Variants in RPIA observed in about 807,000 individuals in gnomAD.
The protein encoded by RPIA is ribose-5-phosphate isomerase.
Under a neutral mutation model 37.8 loss-of-function variants are expected in RPIA, and 29 were observed. The observed-to-expected ratio is 0.77, with a 90% CI of 0.57 to 1.05. The LOEUF (loss-of-function observed/expected upper bound fraction) is 1.05, where lower values mean the gene tolerates loss of function less well. Ranked by LOEUF, RPIA falls within the 50% of genes least tolerant of loss-of-function variation. The probability of loss-of-function intolerance (pLI) is 0.00; values close to 1 mark genes in which losing one functional copy is unlikely to be tolerated. For synonymous variants in RPIA, 167 were observed against 157.0 expected (o/e 1.06, Z -0.48); for missense variants, 385 against 413.6 (o/e 0.93, Z 0.60).
intron 3 of RPIA, among the ~76,000 whole-genome samples, chr2:88,715,345 C>T (rs1385114691): frequency 6.6e-6 from 1 of 152,160 alleles, no homozygotes; most frequent in Non-Finnish European, 1.5e-5. Flanking sequence ...AACTCTTCAG[C>T]TGGAATTCAG....
At chr2:88,744,206 CTAT>C (rs1322468172) in intron 8 of RPIA, among the ~76,000 whole-genome samples, 5 of 152,136 alleles carry the variant, frequency 3.3e-5, no homozygotes, top group Non-Finnish European at 5.9e-5. Context: ...GGTTGTATCA[CTAT>C]TATTATTCAG....
At chr2:88,717,672 C>T (rs1053847044) in intron 3 of RPIA, among the ~76,000 whole-genome samples, 5 of 152,086 alleles carry the variant, frequency 3.3e-5, no homozygotes, top group African/African-American at 1.2e-4. Flanking sequence ...TTTACATTTC[C>T]CCCCTTTCTT....
At chr2:88,706,193 C>T (rs1672894926) in intron 3 of RPIA, among the ~76,000 whole-genome samples, 1 of 152,126 alleles carries the variant, frequency 6.6e-6, no homozygotes, top group Admixed American at 6.6e-5. Context: ...ACTCAGCAAT[C>T]CCATTGCTGA....
At chr2:88,743,509 T>C (rs1163038059) in intron 8 of RPIA, among the ~76,000 whole-genome samples, 1 of 152,200 alleles carries the variant, frequency 6.6e-6, no homozygotes, top group Non-Finnish European at 1.5e-5. Flanking sequence ...TTTTTTGTTA[T>C]GATCTTTCCT....
chr2:88,749,037 A>G (rs574923170), intron 8 of RPIA, among the ~76,000 whole-genome samples: 1 of 152,218 alleles, frequency 6.6e-6, no homozygotes, highest in African/African-American at 2.4e-5. Context: ...CCCAGCCTCT[A>G]TTCTACTCTT....
At chr2:88,714,913 C>A (rs911522681) in intron 3 of RPIA, among the ~76,000 whole-genome samples, 1 of 152,162 alleles carries the variant, frequency 6.6e-6, no homozygotes, top group Non-Finnish European at 1.5e-5. Context: ...ATCCTAAGAC[C>A]AGCGTTTGAC....
intron 3 of RPIA, among the ~76,000 whole-genome samples, chr2:88,706,598 A>C (rs1340954952): frequency 2.0e-5 from 3 of 152,112 alleles, no homozygotes; most frequent in Admixed American, 2.0e-4. Flanking sequence ...TAGCTAATGC[A>C]TGCAGGGCTT....
intron 8 of RPIA, among the ~76,000 whole-genome samples, chr2:88,739,745 G>A (rs1673360359): frequency 6.6e-6 from 1 of 152,090 alleles, no homozygotes; most frequent in South Asian, 2.1e-4. Flanking sequence ...AGCGTCCCCA[G>A]TAGATGGGAC....
chr2:88,718,891 G>T lies in RPIA; in HGVS notation c.403-10387G>T, dbSNP rs999402801. Among the ~76,000 whole-genome samples the T allele has an allele frequency of 2.0e-5, 3 of 152,080 alleles. No homozygotes were observed. In the Middle Eastern group the frequency reaches 9.5e-3, roughly 481 times the overall value. Reference sequence around the variant, plus strand: ...AAAAGCTATAAATAGCTTAAAAGAAGTTTTTTTGACTCTGAAAAATAAAAG... The same window carrying T: ...AAAAGCTATAAATAGCTTAAAAGAATTTTTTTTGACTCTGAAAAATAAAAG... On this transcript the variant is annotated intron_variant, in intron 3 of 8. Transcript: ENST00000283646.
intron 3 of RPIA, among the ~76,000 whole-genome samples, chr2:88,715,263 G>A (rs138356209): frequency 1.3e-5 from 2 of 152,170 alleles, no homozygotes; most frequent in Non-Finnish European, 2.9e-5. Context: ...GGACAGGAGA[G>A]GAAGAAACAG....
chr2:88,736,795 T>C, intron 7 of RPIA, 119 bp downstream of exon 7: 2 of 1,238,982 alleles, frequency 1.6e-6, no homozygotes, highest in Non-Finnish European at 1.1e-6. Flanking sequence ...CTTTTATTTA[T>C]TTTTAATTGA....
At chr2:88,701,759 A>G (rs912550367) in intron 3 of RPIA, among the ~76,000 whole-genome samples, 18 of 152,234 alleles carry the variant, frequency 1.2e-4, no homozygotes, top group African/African-American at 4.1e-4. Flanking sequence ...TCAGAATTAG[A>G]GGAAAGAGTA....
chr2:88,736,187 C>G lies in RPIA; in HGVS notation c.597-348C>G, dbSNP rs560734796. On this transcript the variant is annotated intron_variant, in intron 6 of 8. Transcript: ENST00000283646. Reference sequence around the variant, plus strand: ...TAGTCTTTGACCAGGCTCTCAGATGCTCCTTCAAGGAATGTAGTCAAAAGC... The same window carrying G: ...TAGTCTTTGACCAGGCTCTCAGATGGTCCTTCAAGGAATGTAGTCAAAAGC... Among the ~76,000 whole-genome samples the G allele has an allele frequency of 6.0e-4, 92 of 152,304 alleles. 1 individual carries two copies. In the South Asian group the frequency reaches 0.012, roughly 20 times the overall value.
At chr2:88,706,689 C>T (rs914517860) in intron 3 of RPIA, among the ~76,000 whole-genome samples, 2 of 150,650 alleles carry the variant, frequency 1.3e-5, no homozygotes, top group African/African-American at 4.9e-5. Flanking sequence ...CACATGTATC[C>T]TGGAATTTTA....
chr2:88,707,441 C>T (rs920732530), intron 3 of RPIA, among the ~76,000 whole-genome samples: 2 of 152,142 alleles, frequency 1.3e-5, no homozygotes, highest in African/African-American at 4.8e-5. Context: ...TGCCATTGAG[C>T]ATTTATAATG....
chr2:88,736,472 G>C, intron 6 of RPIA, 63 bp from the exon 7 acceptor site: 1 of 1,577,664 alleles, frequency 6.3e-7, no homozygotes. Context: ...TCCTGAATTT[G>C]GTGTTTGCCT....
chr2:88,711,547 G>T (rs1024502139), intron 3 of RPIA, among the ~76,000 whole-genome samples: 3 of 152,208 alleles, frequency 2.0e-5, no homozygotes, highest in Non-Finnish European at 4.4e-5. Flanking sequence ...AAGCTTTTAG[G>T]TAGCAGGTGT....
At chr2:88,729,198 CTTAAATCCAGAAGAA>C in intron 3 of RPIA, 65 bp from the exon 4 acceptor site, 1 of 1,501,110 alleles carries the variant, frequency 6.7e-7, no homozygotes, top group Non-Finnish European at 9.2e-7. Flanking sequence ...ACTTGGGACA[CTTAAATCCAGAAGAA>C]TTCTGAGAAT....
intron 3 of RPIA, among the ~76,000 whole-genome samples, chr2:88,710,132 G>A (rs572478708): frequency 1.4e-4 from 22 of 152,096 alleles, no homozygotes; most frequent in South Asian, 1.2e-3. Flanking sequence ...CTGCAGCCTC[G>A]GCCTCCTGGG....
Sources: gnomAD v4.1 joint callset for allele counts (sites outside exome capture counted in the v4.1 genomes callset) on GRCh38, gnomAD v4.1.1 for gene constraint, MANE v1.5 for transcripts, NCBI Gene and HGNC (gene_info 2026-07-23, HGNC 2026-07-21) for gene names.